LIN52: variants seen among roughly 807,000 people sequenced by gnomAD.
LIN52 encodes the protein protein lin-52 homolog.
LIN52 carries 4 observed loss-of-function variants against 18.5 expected under a neutral mutation model. That is an observed-to-expected ratio of 0.22 (90% confidence interval 0.11 to 0.49). LIN52 has a LOEUF of 0.49. Ranked by LOEUF, LIN52 falls within the 20% of genes least tolerant of loss-of-function variation. The probability of loss-of-function intolerance (pLI) is 0.97; values close to 1 mark genes in which losing one functional copy is unlikely to be tolerated. For missense variants in LIN52, 102 were observed against 139.5 expected, an observed-to-expected ratio of 0.73 and a Z score of 1.35; for synonymous variants, 34 against 45.5, an observed-to-expected ratio of 0.75 and a Z score of 1.02.
In LIN52 at chr14:74,166,509, G is replaced by A. The variant is rs1226591181; in HGVS notation, c.284-32413G>A. 3.3e-5 allele frequency among the ~76,000 whole-genome samples: 5 copies of A among 152,088 alleles called. No individual in the cohort carries two copies. In the East Asian group the frequency reaches 9.7e-4, roughly 29 times the overall value. On this transcript the variant is annotated intron_variant, in intron 5 of 5. Coordinates refer to ENST00000555028, the MANE Select transcript of LIN52 (RefSeq NM_001024674.3). ...ATTACAGGCATGAGCCACCGCGCCC[G>A]GCCAAGATCTTTAAATTAAAACGTT...
At chr14:74,139,548 C>T (rs1400021170) in intron 5 of LIN52, among the ~76,000 whole-genome samples, 2 of 151,978 alleles carry the variant, frequency 1.3e-5, no homozygotes, top group East Asian at 3.9e-4. Flanking sequence ...TTTTTTTCCC[C>T]CTCCCTTTGG....
intron 5 of LIN52, among the ~76,000 whole-genome samples, chr14:74,130,599 T>TA (rs1235762316): frequency 7.3e-6 from 1 of 136,364 alleles, no homozygotes; most frequent in Non-Finnish European, 1.6e-5. Context: ...TTTTTTTTTT[T>TA]TTTTTTTTTT....
chr14:74,138,960 G>A (rs2061114029), intron 5 of LIN52, among the ~76,000 whole-genome samples: 1 of 148,748 alleles, frequency 6.7e-6, no homozygotes. Context: ...TCAACAAAAA[G>A]GAAAGCTGGA....
At chr14:74,097,902 T>C (rs2079635) in intron 4 of LIN52, 42 bp downstream of exon 4, 299,349 of 1,437,684 alleles carry the variant, frequency 0.21, 35,134 homozygotes, top group South Asian at 0.46. Flanking sequence ...ATATTTATGT[T>C]TTTCCATAGA....
intron 5 of LIN52, among the ~76,000 whole-genome samples, chr14:74,115,032 G>GA (rs766542464): frequency 1.8e-4 from 28 of 152,244 alleles, no homozygotes; most frequent in Non-Finnish European, 3.5e-4. Flanking sequence ...TTGTTAACTG[G>GA]AAAAAAGTTT....
At chr14:74,175,751 C>CACACACACCCA (rs778907221) in intron 5 of LIN52, among the ~76,000 whole-genome samples, 1 of 130,184 alleles carries the variant, frequency 7.7e-6, no homozygotes, top group Non-Finnish European at 1.5e-5. Flanking sequence ...CACACACACA[C>CACACACACCCA]CCCCATTATA....
chr14:74,147,552 T>C (rs1377720603), intron 5 of LIN52, among the ~76,000 whole-genome samples: 1 of 152,194 alleles, frequency 6.6e-6, no homozygotes, highest in Non-Finnish European at 1.5e-5. Context: ...CCTGTGTTCA[T>C]AGTAGCATTA....
intron 5 of LIN52, among the ~76,000 whole-genome samples, chr14:74,190,532 C>T (rs1179646110): frequency 1.3e-5 from 2 of 151,550 alleles, no homozygotes; most frequent in African/African-American, 4.9e-5. Context: ...GCTGGGATTA[C>T]AAGCATGTGC....
At chr14:74,154,284 CAGTT>C (rs1319053834) in intron 5 of LIN52, among the ~76,000 whole-genome samples, 1 of 152,166 alleles carries the variant, frequency 6.6e-6, no homozygotes, top group Non-Finnish European at 1.5e-5. Context: ...GAATGTCCCT[CAGTT>C]GGGATTTGTC....
At chr14:74,122,432 G>A (rs1295768194) in intron 5 of LIN52, among the ~76,000 whole-genome samples, 1 of 152,182 alleles carries the variant, frequency 6.6e-6, no homozygotes, top group Non-Finnish European at 1.5e-5. Flanking sequence ...TGGTGAGCAG[G>A]TGAAGAGTAT....
chr14:74,190,454 C>T (rs370463410), intron 5 of LIN52, among the ~76,000 whole-genome samples: 300 of 134,620 alleles, frequency 2.2e-3, no homozygotes, highest in Non-Finnish European at 3.9e-3. Flanking sequence ...TACACTGGTG[C>T]GATCTCAGCT....
intron 5 of LIN52, among the ~76,000 whole-genome samples, chr14:74,157,465 TAA>T (rs764321107): frequency 1.7e-4 from 25 of 144,574 alleles, no homozygotes; most frequent in African/African-American, 5.5e-4. Flanking sequence ...ATATATTTTT[TAA>T]TTAATTTATT....
At chr14:74,188,320 A>G (rs1193643414) in intron 5 of LIN52, among the ~76,000 whole-genome samples, 2 of 152,186 alleles carry the variant, frequency 1.3e-5, no homozygotes, top group Non-Finnish European at 2.9e-5. Flanking sequence ...AGTCATACAC[A>G]AAGTGTTATT....
At chr14:74,170,949 G>A (rs1370679383) in intron 5 of LIN52, among the ~76,000 whole-genome samples, 2 of 151,348 alleles carry the variant, frequency 1.3e-5, no homozygotes, top group African/African-American at 2.4e-5. Context: ...GAGATACTGT[G>A]GCTGGTATAT....
chr14:74,128,835 T>C (rs2061043309), intron 5 of LIN52, among the ~76,000 whole-genome samples: 1 of 152,012 alleles, frequency 6.6e-6, no homozygotes, highest in Admixed American at 6.6e-5. Flanking sequence ...TCCCAGCTAC[T>C]CAGGAGGCTG....
At chr14:74,156,337 A>G (rs535024884) in intron 5 of LIN52, among the ~76,000 whole-genome samples, 1 of 152,314 alleles carries the variant, frequency 6.6e-6, no homozygotes, top group South Asian at 2.1e-4. Flanking sequence ...TTACATGTCA[A>G]TCTACAATTC....
intron 5 of LIN52, among the ~76,000 whole-genome samples, chr14:74,190,227 C>T (rs1310174776): frequency 6.6e-6 from 1 of 152,058 alleles, no homozygotes. Flanking sequence ...CCAAGATACC[C>T]AATAGAAAGA....
intron 5 of LIN52, among the ~76,000 whole-genome samples, chr14:74,153,734 G>T (rs1441420867): frequency 1.3e-5 from 2 of 152,010 alleles, no homozygotes; most frequent in African/African-American, 4.8e-5. Context: ...AGTAGAGACG[G>T]AGTTTCACCA....
At chr14:74,153,401 T>C (rs568791902) in intron 5 of LIN52, among the ~76,000 whole-genome samples, 121 of 152,288 alleles carry the variant, frequency 7.9e-4, no homozygotes, top group African/African-American at 2.7e-3. Flanking sequence ...AGAGAATACA[T>C]TTAAAACTGG....
Sources: allele counts gnomAD v4.1 joint callset (sites outside exome capture counted in the v4.1 genomes callset), GRCh38; gene constraint gnomAD v4.1.1; transcripts MANE v1.5; gene names NCBI Gene and HGNC (gene_info 2026-07-23, HGNC 2026-07-21).